Variants in ARHGAP10 observed in about 807,000 individuals in gnomAD.
ARHGAP10 encodes the protein rho GTPase-activating protein 10.
In ARHGAP10, 87 loss-of-function variants were observed where a neutral mutation model predicts 108.6. The ratio of observed to expected loss-of-function variants is 0.80; its 90% CI spans 0.67 to 0.96. The LOEUF is 0.96. ARHGAP10 is among the 40% of genes least tolerant of loss of function. ARHGAP10 has a pLI of 0.00. For missense variants in ARHGAP10, 939 were observed against 954.5 expected (o/e 0.98, Z 0.21); for synonymous variants, 347 against 341.1 (o/e 1.02, Z -0.19).
chr4:147,904,270 T>C (rs1194783444), intron 10 of ARHGAP10, among the ~76,000 whole-genome samples: 2 of 152,126 alleles, frequency 1.3e-5, no homozygotes, highest in Non-Finnish European at 2.9e-5. Context: ...TTAGGGTACA[T>C]GTGCACAATG....
intron 18 of ARHGAP10, among the ~76,000 whole-genome samples, chr4:147,993,648 G>A (rs774594107): frequency 5.3e-5 from 8 of 152,280 alleles, no homozygotes; most frequent in African/African-American, 1.4e-4. Flanking sequence ...GGAGCCTGTC[G>A]TTTGCTTTGT....
chr4:148,020,722 C>A (rs1741536326), intron 18 of ARHGAP10, among the ~76,000 whole-genome samples: 1 of 152,028 alleles, frequency 6.6e-6, no homozygotes, highest in African/African-American at 2.4e-5. Context: ...GATTCCATGT[C>A]TTTGCTATTG....
intron 1 of ARHGAP10, among the ~76,000 whole-genome samples, chr4:147,796,629 G>T (rs985255696): frequency 2.0e-5 from 3 of 152,024 alleles, no homozygotes; most frequent in Admixed American, 6.5e-5. Context: ...AGGTTCAAGC[G>T]ATTCTCCTGC....
chr4:147,955,413 G>A (rs1738752499), intron 16 of ARHGAP10, 39 bp downstream of exon 16: 13 of 1,561,692 alleles, frequency 8.3e-6, no homozygotes, highest in Non-Finnish European at 1.1e-5. Context: ...CAGTTTTGTA[G>A]TTGGTAGTGA....
chr4:147,819,114 T>C (rs939696178), intron 1 of ARHGAP10, among the ~76,000 whole-genome samples: 1 of 152,236 alleles, frequency 6.6e-6, no homozygotes, highest in South Asian at 2.1e-4. Context: ...TTTCAACTAA[T>C]GAAATTAGGC....
intron 6 of ARHGAP10, 194 bp from the exon 7 acceptor site, chr4:147,866,518 G>A (rs4240341): frequency 0.85 from 428,058 of 506,004 alleles, 187,241 homozygotes; most frequent in Non-Finnish European, 0.93. Flanking sequence ...AGGGAAAAAA[G>A]CATCATTTTC....
intron 18 of ARHGAP10, among the ~76,000 whole-genome samples, chr4:147,977,270 A>C (rs1739631208): frequency 6.6e-6 from 1 of 152,218 alleles, no homozygotes; most frequent in Non-Finnish European, 1.5e-5. Flanking sequence ...TAGGAAGGAA[A>C]GAATGAGAGG....
intron 18 of ARHGAP10, among the ~76,000 whole-genome samples, chr4:148,020,126 A>G (rs1344745414): frequency 1.3e-5 from 2 of 152,144 alleles, no homozygotes; most frequent in Admixed American, 1.3e-4. Flanking sequence ...TTCAGATTTC[A>G]GATTTTTGGA....
chr4:147,808,141 A>G (rs1731861607), intron 1 of ARHGAP10, among the ~76,000 whole-genome samples: 1 of 152,168 alleles, frequency 6.6e-6, no homozygotes, highest in South Asian at 2.1e-4. Context: ...GTGTGCATCT[A>G]CTTTATATAC....
rs1420278308 is a variant in ARHGAP10, at chr4:147,857,738, CTT to C, written c.486+87_486+88del. 16 of 1,174,846 alleles carry C rather than the reference CTT, an allele frequency of 1.4e-5. No homozygotes were observed. The Admixed American group carries it at 4.1e-4, about 30-fold the overall frequency. The allele number at this position is 1,174,846 out of a possible 1,614,324, so 72.8% of individuals were successfully genotyped here. On this transcript the variant is annotated intron_variant, in intron 5 of 22. Transcript: ENST00000336498. ...TAAAAATGTGCTTTAATTTGGATAA[CTT>C]TTCATCTGGCATTATATAGAGATAA...
chr4:147,897,798 A>G (rs1452244478), intron 10 of ARHGAP10, among the ~76,000 whole-genome samples: 1 of 152,124 alleles, frequency 6.6e-6, no homozygotes, highest in East Asian at 1.9e-4. Context: ...TTTTAAAGAA[A>G]TTTACTGTTT....
chr4:147,955,227 C>A (rs2126983703), intron 15 of ARHGAP10, 89 bp from the exon 16 acceptor site: 4 of 1,226,944 alleles, frequency 3.3e-6, no homozygotes, highest in Admixed American at 4.0e-5. Flanking sequence ...TTAAGAAATG[C>A]ATAACAAATT....
At chr4:147,989,903 T>C (rs923487716) in intron 18 of ARHGAP10, among the ~76,000 whole-genome samples, 1 of 152,158 alleles carries the variant, frequency 6.6e-6, no homozygotes, top group Non-Finnish European at 1.5e-5. Context: ...TCTTTACAAT[T>C]TATGTTTAGA....
At chr4:147,865,000 A>G (rs1291314687) in intron 6 of ARHGAP10, 44 bp downstream of exon 6, 1 of 1,502,528 alleles carries the variant, frequency 6.7e-7, no homozygotes, top group East Asian at 2.3e-5. Context: ...TTGCAATGTA[A>G]GATAAGTATT....
chr4:147,760,362 C>T (rs1729541949), intron 1 of ARHGAP10, among the ~76,000 whole-genome samples: 1 of 152,198 alleles, frequency 6.6e-6, no homozygotes, highest in Admixed American at 6.5e-5. Flanking sequence ...ATCTAGAGAG[C>T]TTAACCAGCT....
At chr4:148,056,373 A>G (rs180826646) in intron 20 of ARHGAP10, among the ~76,000 whole-genome samples, 98 of 152,306 alleles carry the variant, frequency 6.4e-4, no homozygotes, top group Admixed American at 2.0e-3. Flanking sequence ...TCAAATGTTT[A>G]TTTATAATTT....
chr4:147,790,566 T>A (rs1356916370), intron 1 of ARHGAP10, among the ~76,000 whole-genome samples: 1 of 152,218 alleles, frequency 6.6e-6, no homozygotes, highest in East Asian at 1.9e-4. Flanking sequence ...TCTACCTGCT[T>A]GTCCAGTTCA....
intron 1 of ARHGAP10, among the ~76,000 whole-genome samples, chr4:147,805,041 C>A (rs900858139): frequency 6.6e-6 from 1 of 152,088 alleles, no homozygotes; most frequent in Non-Finnish European, 1.5e-5. Context: ...ATCATGAAAT[C>A]TTGGCTAGGT....
At chr4:147,756,016 A>G (rs977740526) in intron 1 of ARHGAP10, among the ~76,000 whole-genome samples, 3 of 151,840 alleles carry the variant, frequency 2.0e-5, no homozygotes, top group African/African-American at 7.3e-5. Flanking sequence ...ATAATAAGTC[A>G]ATAGTAGGTG....
Sources: gnomAD v4.1 joint callset for allele counts (sites outside exome capture counted in the v4.1 genomes callset) on GRCh38, gnomAD v4.1.1 for gene constraint, MANE v1.5 for transcripts, NCBI Gene and HGNC (gene_info 2026-07-23, HGNC 2026-07-21) for gene names.